Variants in VWA3B observed in about 807,000 individuals in gnomAD.
VWA3B encodes von Willebrand factor A domain-containing protein 3B.
Under a neutral mutation model 158.3 loss-of-function variants are expected in VWA3B, and 138 were observed. That is an observed-to-expected ratio of 0.87 (90% CI 0.76 to 1.00). The LOEUF is 1.00. Among genes scored for constraint, VWA3B ranks in the 50% least tolerant of loss-of-function variants. The pLI is 0.00. For missense variants in VWA3B, 1,555 were observed against 1,565.1 expected (o/e 0.99, Z 0.11); for synonymous variants, 596 against 587.3 (o/e 1.01, Z -0.21).
chr2:98,212,021 C>CTT lies in VWA3B; in HGVS notation c.1830_1831insTT (p.Asp611LeufsTer9), dbSNP rs1481224348. On this transcript the variant is annotated frameshift_variant, in exon 13 of 28. Transcript: ENST00000477737. LOFTEE classifies it high-confidence loss of function. ...ATCTACCTTCTGACCGATGGGAGAC[C>CTT]TGATCAGGTACTTACCAGAGCTGGG... 6.2e-7 allele frequency: 1 copy of CTT among 1,613,922 alleles called. No individual in the cohort carries two copies. The highest frequency in any genetic ancestry group is 1.3e-5 in the African/African-American group (1 of 75,040).
chr2:98,089,650 CTTT>C (rs1007533576), intron 1 of VWA3B, among the ~76,000 whole-genome samples: 1 of 141,010 alleles, frequency 7.1e-6, no homozygotes. Context: ...CCTTTCCTTC[CTTT>C]TTTTTTTTCC....
intron 2 of VWA3B, among the ~76,000 whole-genome samples, chr2:98,106,227 T>C (rs1673641466): frequency 6.6e-6 from 1 of 152,156 alleles, no homozygotes; most frequent in Non-Finnish European, 1.5e-5. Flanking sequence ...AGGTTCTCTA[T>C]TTGTTCTATT....
the VWA3B span, among the ~76,000 whole-genome samples, chr2:98,325,947 G>C: frequency 6.6e-6 from 1 of 152,110 alleles, no homozygotes; most frequent in Non-Finnish European, 1.5e-5. Context: ...CATAAACCAA[G>C]TTCCAATAAA....
At chr2:98,098,872 A>G (rs1214507059) in intron 2 of VWA3B, among the ~76,000 whole-genome samples, 2 of 152,026 alleles carry the variant, frequency 1.3e-5, no homozygotes, top group Admixed American at 1.3e-4. Context: ...TGTATCTATT[A>G]TAGGTTTTTG....
chr2:98,102,874 TA>T (rs1268607233), intron 2 of VWA3B, among the ~76,000 whole-genome samples: 9 of 152,314 alleles, frequency 5.9e-5, no homozygotes, highest in African/African-American at 2.2e-4. Context: ...AAAAGATTAA[TA>T]AAAAATTCAA....
intron 16 of VWA3B, among the ~76,000 whole-genome samples, chr2:98,230,766 C>A (rs1205847589): frequency 6.6e-6 from 1 of 152,136 alleles, no homozygotes; most frequent in African/African-American, 2.4e-5. Context: ...CTCTTACCAC[C>A]CTTATTCAGC....
chr2:98,245,201 G>A (rs1477428780), intron 19 of VWA3B, among the ~76,000 whole-genome samples: 1 of 151,990 alleles, frequency 6.6e-6, no homozygotes, highest in Admixed American at 6.5e-5. Context: ...ACAGTAACAA[G>A]TAAATATTTC....
intron 7 of VWA3B, among the ~76,000 whole-genome samples, chr2:98,141,208 T>C (rs1242761524): frequency 6.6e-6 from 1 of 152,234 alleles, no homozygotes; most frequent in Non-Finnish European, 1.5e-5. Context: ...TGAAAAATCA[T>C]CTTCTATGCC....
At chr2:98,324,146 A>C in the VWA3B span, among the ~76,000 whole-genome samples, 3 of 152,120 alleles carry the variant, frequency 2.0e-5, no homozygotes, top group South Asian at 6.2e-4. Flanking sequence ...TTTGTGCATA[A>C]ACTTGGCCCA....
intron 12 of VWA3B, among the ~76,000 whole-genome samples, chr2:98,202,578 A>G (rs1682647177): frequency 2.0e-5 from 3 of 151,512 alleles, no homozygotes; most frequent in Admixed American, 6.6e-5. Context: ...CATTTCTTAG[A>G]TCTAAGAATT....
chr2:98,202,052 T>A (rs1302925652), intron 12 of VWA3B, among the ~76,000 whole-genome samples: 1 of 152,322 alleles, frequency 6.6e-6, no homozygotes, highest in Admixed American at 6.5e-5. Flanking sequence ...AAATATTCCA[T>A]ATTCTTTTTT....
Position 98,300,089 on chromosome 2 carries a change from A to T in VWA3B, c.3293A>T (p.Tyr1098Phe), listed in dbSNP as rs763950263. 5 of 1,614,102 alleles carry T rather than the reference A, an allele frequency of 3.1e-6. No individual in the cohort carries two copies. The highest frequency in any genetic ancestry group is 4.2e-6 in the Non-Finnish European group (5 of 1,180,038). The stretch of plus-strand genomic sequence containing the variant: ...TGTTCTCCTCTGCAGGTTGGAGATT[A>T]TGTGTTTGCCAAAATTGTGATACCC... Reference protein sequence around the residue: ...MPCPLLQVGDYVFAKIVIPKG... With the variant: ...MPCPLLQVGDFVFAKIVIPKG... The change falls in exon 25 of 28, where the codon TAT (tyrosine) becomes TTT (phenylalanine). Residue 1098 changes from tyrosine to phenylalanine, a missense_variant. Tyr to Phe is a conservative substitution (Grantham distance 22, BLOSUM62 3). Coordinates refer to ENST00000477737, the MANE Select transcript of VWA3B (RefSeq NM_144992.5).
At chr2:98,303,936 G>A in intron 26 of VWA3B, 134 bp downstream of exon 26, 2 of 793,242 alleles carry the variant, frequency 2.5e-6, no homozygotes, top group East Asian at 2.7e-5. Context: ...TACTTAAAAT[G>A]TAGCTCTGTG....
At chr2:98,161,860 C>T (rs1364065221) in intron 7 of VWA3B, among the ~76,000 whole-genome samples, 4 of 152,128 alleles carry the variant, frequency 2.6e-5, no homozygotes, top group African/African-American at 7.2e-5. Flanking sequence ...GCACGGGCCA[C>T]CACGCTCAGC....
chr2:98,181,280 T>A, intron 9 of VWA3B, 68 bp downstream of exon 9: 1 of 1,554,920 alleles, frequency 6.4e-7, no homozygotes, highest in Non-Finnish European at 8.8e-7. Context: ...GAGGCCTCCA[T>A]CGGGTCAGAA....
intron 2 of VWA3B, among the ~76,000 whole-genome samples, chr2:98,096,192 T>C (rs1467721965): frequency 1.3e-5 from 2 of 152,200 alleles, no homozygotes; most frequent in African/African-American, 4.8e-5. Flanking sequence ...TTGAGAAGAA[T>C]TGGTATTAGT....
intron 8 of VWA3B, among the ~76,000 whole-genome samples, chr2:98,179,725 TTCTC>T (rs1207511802): frequency 4.6e-5 from 7 of 151,484 alleles, no homozygotes; most frequent in African/African-American, 9.7e-5. Flanking sequence ...TTTCTTTTTC[TTCTC>T]TCTCTCTCTC....
At chr2:98,317,879 C>A (rs1477164377), downstream of VWA3B, among the ~76,000 whole-genome samples, 1 of 152,158 alleles carries the variant, frequency 6.6e-6, no homozygotes, top group Non-Finnish European at 1.5e-5. Context: ...GAGTTTAACT[C>A]TTTTTGTCAA....
In VWA3B at chr2:98,121,473, A is replaced by C; in HGVS notation, c.702+15A>C. 1 of 1,609,162 alleles carries C rather than the reference A, an allele frequency of 6.2e-7. No individual in the cohort carries two copies. Among genetic ancestry groups the C allele is most frequent in the Non-Finnish European group, 8.5e-7 (1 of 1,176,642 alleles). On this transcript the variant is annotated intron_variant, in intron 5 of 27. Transcript: ENST00000477737. The stretch of plus-strand genomic sequence containing the variant: ...GAGACAAGACTGTAAGTGCGTGTTC[A>C]TGGCTGGCCCCAGGCCATGGAGGTG...
Sources: gnomAD v4.1 joint callset for allele counts (sites outside exome capture counted in the v4.1 genomes callset) on GRCh38, gnomAD v4.1.1 for gene constraint, MANE v1.5 for transcripts, NCBI Gene and HGNC (gene_info 2026-07-23, HGNC 2026-07-21) for gene names.